The following CSNK2B variants were observed in gnomAD, a reference collection of about 807,000 sequenced individuals.
CSNK2B encodes the protein casein kinase 2 beta, also known as casein kinase II subunit beta.
Under a neutral mutation model 28.8 loss-of-function variants are expected in CSNK2B, and 2 were observed. The observed-to-expected ratio is 0.07, with a 90% CI of 0.03 to 0.22. The LOEUF is 0.22. Among genes scored for constraint, CSNK2B ranks in the 10% least tolerant of loss-of-function variants. CSNK2B has a pLI of 1.00. For missense variants in CSNK2B, 107 were observed against 277.9 expected, an observed-to-expected ratio of 0.39 and a Z score of 4.37; for synonymous variants, 89 against 96.1, an observed-to-expected ratio of 0.93 and a Z score of 0.43.
intron 1 of CSNK2B, chr6:31,666,562 G>T (rs988324454): frequency 5.5e-6 from 3 of 544,576 alleles, no homozygotes; most frequent in Non-Finnish European, 6.5e-6. Flanking sequence ...GGAGCTCCAG[G>T]GATGTGGGTC....
chr6:31,668,764 G>A (rs1801974129), intron 4 of CSNK2B, 110 bp downstream of exon 4: 2 of 992,474 alleles, frequency 2.0e-6, no homozygotes, highest in South Asian at 1.4e-5. Flanking sequence ...TGAGAAGAGG[G>A]GAAGAACCCC....
Position 31,668,690 on chromosome 6 carries a change from G to A in CSNK2B, c.291+36G>A, listed in dbSNP as rs952378201. 4 of 1,569,730 alleles carry A rather than the reference G, an allele frequency of 2.5e-6. No individual in the cohort carries two copies. The African/African-American group carries it at 5.4e-5, about 21-fold the overall frequency. ...TCTGCTCCTACCTGCCTCCTTCTGA[G>A]CAGTAAGAGACACAGGTTCCTGCAG... On this transcript the variant is annotated intron_variant, in intron 4 of 6. Coordinates refer to ENST00000375882, the MANE Select transcript of CSNK2B (RefSeq NM_001320.7).
rs760110505 is a variant in CSNK2B at position 31,669,198 on chromosome 6, A to G, written c.367+26A>G. The G allele has an allele frequency of 3.7e-6, 6 of 1,610,518 alleles. No individual in the cohort carries two copies. In the Admixed American group the frequency reaches 6.7e-5, roughly 18 times the overall value. ...GTGAGTGTTGAAGAAGGGAAAGGAA[A>G]GCACCGTGTGGCAGTCTTATGGGAA... On this transcript the variant is annotated intron_variant, in intron 5 of 6. Transcript: ENST00000375882. This position sits in a 1 kb window ranked among gnomAD's most constrained non-coding sequence, Gnocchi z 4.8.
chr6:31,667,778 TTGA>T, intron 2 of CSNK2B, 87 bp from the exon 3 acceptor site: 1 of 630,900 alleles, frequency 1.6e-6, no homozygotes, highest in Non-Finnish European at 2.7e-6. Flanking sequence ...TGCAGTTGTG[TTGA>T]TGATAAGGCA....
intron 1 of CSNK2B, chr6:31,666,550 C>G (rs373145152): frequency 1.9e-6 from 1 of 523,600 alleles, no homozygotes; most frequent in Non-Finnish European, 3.4e-6. Flanking sequence ...CCCTGGCCTT[C>G]GGGAGCTCCA....
chr6:31,667,148 T>C, intron 2 of CSNK2B: 1 of 669,778 alleles, frequency 1.5e-6, no homozygotes, highest in South Asian at 1.5e-5. Flanking sequence ...TTTCTTTTTT[T>C]TGAGACTGGG....
intron 2 of CSNK2B, chr6:31,667,158 G>T: frequency 3.1e-6 from 2 of 649,138 alleles, no homozygotes; most frequent in Non-Finnish European, 2.8e-6. Flanking sequence ...TTGAGACTGG[G>T]TCTCACTCTG....
chr6:31,667,099 G>A (rs539577837), intron 2 of CSNK2B, 196 bp downstream of exon 2: 46 of 701,436 alleles, frequency 6.6e-5, no homozygotes, highest in South Asian at 5.8e-4. Context: ...GTCTGCCACC[G>A]TCCAGCAATA....
intron 1 of CSNK2B, chr6:31,666,435 T>G: frequency 4.7e-6 from 1 of 212,826 alleles, no homozygotes; most frequent in Non-Finnish European, 9.4e-6. Flanking sequence ...TTGAGAATGA[T>G]AAACTTGGAA....
At chr6:31,667,824 A>G in intron 2 of CSNK2B, 44 bp from the exon 3 acceptor site, 1 of 1,183,084 alleles carries the variant, frequency 8.5e-7, no homozygotes, top group Non-Finnish European at 1.2e-6. Context: ...GTCAAAGATG[A>G]GGATTTTGAT....
intron 2 of CSNK2B, 89 bp downstream of exon 2, chr6:31,666,992 T>G: frequency 3.7e-6 from 4 of 1,076,980 alleles, no homozygotes; most frequent in Non-Finnish European, 5.7e-6. Flanking sequence ...CACTGTTCTC[T>G]TACATGCTAT....
rs1286856469 is a variant in CSNK2B at position 31,669,171 on chromosome 6, T to C, written c.366T>C (p.Ile122=). The C allele has an allele frequency of 1.2e-6, 2 of 1,613,282 alleles. No homozygotes were observed. Among genetic ancestry groups the C allele is most frequent in the Non-Finnish European group, 1.7e-6 (2 of 1,179,614 alleles). ...VYCENQPMLP[I]GLSDIPGEAM... ...GTGAGAACCAGCCAATGCTTCCCAT[T>C]GGTGAGTGTTGAAGAAGGGAAAGGA... Residue 122 remains isoleucine (I), a splice_region_variant and synonymous_variant, in exon 5 of 7, where the codon ATT becomes ATC. Coordinates refer to ENST00000375882, the MANE Select transcript of CSNK2B (RefSeq NM_001320.7). The surrounding 1 kb of genome is among the most constrained non-coding windows in gnomAD (Gnocchi z 4.8).
chr6:31,666,565 T>G, intron 1 of CSNK2B: 1 of 546,228 alleles, frequency 1.8e-6, no homozygotes. Flanking sequence ...GCTCCAGGGA[T>G]GTGGGTCGGG....
At chr6:31,666,388 C>CGTAT in intron 1 of CSNK2B, 180 bp downstream of exon 1, 1 of 184,502 alleles carries the variant, frequency 5.4e-6, no homozygotes, top group South Asian at 1.3e-4. Context: ...TGACAATCGC[C>CGTAT]CCCAACCCGT....
intron 2 of CSNK2B, chr6:31,667,281 G>T (rs1801828765): frequency 2.5e-6 from 1 of 396,716 alleles, no homozygotes; most frequent in African/African-American, 2.1e-5. Context: ...ACAAGTGCCT[G>T]CCACCATGCC....
chr6:31,669,693 T>C lies in CSNK2B; in HGVS notation c.558-143T>C. 1 of 1,004,164 alleles carries C rather than the reference T, an allele frequency of 1.0e-6. No individual in the cohort carries two copies. The highest frequency in any genetic ancestry group is 1.4e-6 in the Non-Finnish European group (1 of 689,942). 62.2% of individuals were successfully genotyped at this position (1,004,164 alleles called of 1,614,324 possible). ...GAGTTACCTTATTGTAGAATGTTCT[T>C]GAGCTGAGAAGTTGGGAACCACGAG... On this transcript the variant is annotated intron_variant, in intron 6 of 6. Coordinates refer to ENST00000375882, the MANE Select transcript of CSNK2B (RefSeq NM_001320.7). This position sits in a 1 kb window ranked among gnomAD's most constrained non-coding sequence, Gnocchi z 4.8.
At chr6:31,666,752 T>G in intron 1 of CSNK2B, 69 bp from the exon 2 acceptor site, 4 of 1,303,726 alleles carry the variant, frequency 3.1e-6, no homozygotes, top group Non-Finnish European at 4.3e-6. Context: ...GGGCCGAATG[T>G]GGGAGGAGGG....
At chr6:31,668,486 C>A in intron 3 of CSNK2B, 53 bp from the exon 4 acceptor site, 1 of 1,514,926 alleles carries the variant, frequency 6.6e-7, no homozygotes, top group Non-Finnish European at 9.2e-7. Flanking sequence ...ATGGGCAGGG[C>A]ACCTAGGAAA....
chr6:31,669,437 T>C lies in CSNK2B; in HGVS notation c.486T>C (p.Gly162=), dbSNP rs1399744238. Residue 162 remains glycine, a synonymous_variant, in exon 6 of 7, where the codon GGT becomes GGC. Coordinates refer to ENST00000375882, the MANE Select transcript of CSNK2B (RefSeq NM_001320.7). The surrounding 1 kb of genome is among the most constrained non-coding windows in gnomAD (Gnocchi z 4.8). ...HHTDGAYFGT[G]FPHMLFMVHP... ...CGGATGGCGCCTACTTCGGCACTGG[T>C]TTCCCTCACATGCTCTTCATGGTGC... 1 of 1,613,756 alleles carries C rather than the reference T, an allele frequency of 6.2e-7. No individual in the cohort carries two copies. Among genetic ancestry groups the C allele is most frequent in the Non-Finnish European group, 8.5e-7 (1 of 1,180,010 alleles).
Sources: allele counts gnomAD v4.1 joint callset, GRCh38; gene constraint gnomAD v4.1.1; non-coding constraint Gnocchi (gnomAD v3.1); transcripts MANE v1.5; gene names NCBI Gene and HGNC (gene_info 2026-07-23, HGNC 2026-07-21).